MAML3: variants seen among roughly 807,000 people sequenced by gnomAD.
MAML3 encodes the protein mastermind-like protein 3.
A neutral mutation model predicts 101.9 loss-of-function variants in MAML3; 27 were observed. The ratio of observed to expected loss-of-function variants is 0.27; its 90% CI spans 0.20 to 0.37. MAML3 has a LOEUF of 0.37. MAML3 is among the 10% of genes least tolerant of loss of function. The pLI is 1.00. For synonymous variants in MAML3, 501 were observed against 555.9 expected (o/e 0.90, Z 1.39); for missense variants, 1,316 against 1,444.9 (o/e 0.91, Z 1.45).
At chr4:140,074,237 G>GAAAGAAAGAAAGAAAGA (rs1553973058) in intron 1 of MAML3, among the ~76,000 whole-genome samples, 1 of 130,090 alleles carries the variant, frequency 7.7e-6, no homozygotes, top group Non-Finnish European at 1.7e-5. Context: ...AAGAAAGAAA[G>GAAAGAAAGAAAGAAAGA]AAAGAAAGAA....
chr4:140,019,923 G>A (rs1440385864), intron 1 of MAML3, among the ~76,000 whole-genome samples: 1 of 152,176 alleles, frequency 6.6e-6, no homozygotes, highest in Non-Finnish European at 1.5e-5. Context: ...TAGTACTAAA[G>A]TTTGTCCTTA....
chr4:140,065,929 C>T (rs1480977904), intron 1 of MAML3, among the ~76,000 whole-genome samples: 3 of 152,198 alleles, frequency 2.0e-5, no homozygotes, highest in Non-Finnish European at 4.4e-5. Flanking sequence ...CTGCTCCATG[C>T]ATAAATGACA....
At chr4:139,928,173 A>G (rs1342474513) in intron 1 of MAML3, among the ~76,000 whole-genome samples, 1 of 152,204 alleles carries the variant, frequency 6.6e-6, no homozygotes, top group African/African-American at 2.4e-5. Flanking sequence ...TTCTGTATCC[A>G]TAACTGTTTC....
intron 1 of MAML3, among the ~76,000 whole-genome samples, chr4:139,931,797 G>A (rs1381926181): frequency 2.0e-5 from 3 of 152,024 alleles, no homozygotes; most frequent in Non-Finnish European, 4.4e-5. Context: ...GTCACCTGAG[G>A]TCAGGAGTTC....
chr4:139,998,283 A>G (rs1734856512), intron 1 of MAML3, among the ~76,000 whole-genome samples: 1 of 152,052 alleles, frequency 6.6e-6, no homozygotes, highest in Admixed American at 6.6e-5. Flanking sequence ...CTGTTGGACC[A>G]CCTAATGATT....
intron 1 of MAML3, among the ~76,000 whole-genome samples, chr4:140,106,870 GTGTT>G (rs1485512793): frequency 2.0e-5 from 3 of 152,146 alleles, no homozygotes; most frequent in Non-Finnish European, 4.4e-5. Flanking sequence ...AAGAGTGGTG[GTGTT>G]TGTTTGTTTT....
intron 1 of MAML3, among the ~76,000 whole-genome samples, chr4:139,967,187 G>A (rs953899636): frequency 6.6e-6 from 1 of 152,048 alleles, no homozygotes; most frequent in African/African-American, 2.4e-5. Flanking sequence ...ATTTCTCACT[G>A]CTAAGTAAAA....
At chr4:139,840,551 CAA>C (rs1731343248) in intron 2 of MAML3, among the ~76,000 whole-genome samples, 1 of 152,158 alleles carries the variant, frequency 6.6e-6, no homozygotes, top group African/African-American at 2.4e-5. Flanking sequence ...GTATTCTCGA[CAA>C]ATGAAGGGAT....
intron 2 of MAML3, among the ~76,000 whole-genome samples, chr4:139,748,408 A>G (rs1357023690): frequency 6.6e-6 from 1 of 152,190 alleles, no homozygotes; most frequent in Non-Finnish European, 1.5e-5. Flanking sequence ...TAGAAATGGA[A>G]AGAAGTGGAG....
intron 1 of MAML3, among the ~76,000 whole-genome samples, chr4:139,989,653 C>G (rs754401037): frequency 3.9e-5 from 6 of 152,038 alleles, no homozygotes; most frequent in Non-Finnish European, 7.4e-5. Flanking sequence ...TGAAAAGCCT[C>G]CTCCTGTTTG....
At chr4:139,904,954 G>A (rs1732793367) in intron 1 of MAML3, among the ~76,000 whole-genome samples, 1 of 152,206 alleles carries the variant, frequency 6.6e-6, no homozygotes, top group Admixed American at 6.5e-5. Flanking sequence ...ACAATCTTGT[G>A]GAACCACCAT....
rs139496335 is a variant in MAML3 at position 139,767,179 on chromosome 4, T to C, written c.2080-36512A>G. ...TTAATTCTAACCAAAAAAGTCCACA[T>C]TGGGTCAGGCCTACCACTCAGCTAT... On this transcript the variant is annotated intron_variant, in intron 2 of 4. Coordinates refer to ENST00000509479, the MANE Select transcript of MAML3 (RefSeq NM_018717.5). Among the ~76,000 whole-genome samples, 29 of 152,306 alleles carry C rather than the reference T, an allele frequency of 1.9e-4. 1 individual carries two copies. Among genetic ancestry groups the C allele is most frequent in the African/African-American group, 6.5e-4 (27 of 41,568 alleles).
rs750370304 is a variant in MAML3 at position 139,890,455 on chromosome 4, G to T, written c.981C>A (p.Asp327Glu). The T allele has an allele frequency of 6.8e-6, 11 of 1,613,658 alleles. No homozygotes were observed. The South Asian group carries it at 1.2e-4, about 18-fold the overall frequency. ...TCTCTTCAAAGTCTTCGTTGAACAG[G>T]TCCTGTATGTCATCCTCAGGAACCG... ...ANTVPEDDIQ[D>E]LFNEDFEEKK... is the part of the protein sequence containing the mutation. Residue 327 changes from aspartate to glutamate, a missense_variant, in exon 2 of 5, where the codon GAC becomes GAA. Asp to Glu is a conservative substitution (Grantham distance 45). Transcript: ENST00000509479. This position sits in a 1 kb window ranked among gnomAD's most constrained non-coding sequence, Gnocchi z 4.1.
At chr4:139,993,207 C>T (rs1288688194) in intron 1 of MAML3, among the ~76,000 whole-genome samples, 1 of 151,538 alleles carries the variant, frequency 6.6e-6, no homozygotes, top group Non-Finnish European at 1.5e-5. Flanking sequence ...CAAAAATTAA[C>T]CAGGCATGGT....
rs1292580802 is a variant in MAML3, at chr4:140,137,037, G to A, written c.468+15823C>T. On this transcript the variant is annotated intron_variant, in intron 1 of 4. Coordinates refer to ENST00000509479, the MANE Select transcript of MAML3 (RefSeq NM_018717.5). ...GGAGTCTCGTTCTTTCGCCCAGGCT[G>A]GACTGCAGTGGCGCTATCTCGGCTC... Among the ~76,000 whole-genome samples the A allele has an allele frequency of 1.1e-4, 17 of 152,366 alleles. No homozygotes were observed. In the South Asian group the frequency reaches 3.5e-3, roughly 32 times the overall value.
intron 2 of MAML3, among the ~76,000 whole-genome samples, chr4:139,792,808 A>G (rs369714525): frequency 1.3e-5 from 2 of 150,160 alleles, no homozygotes; most frequent in African/African-American, 4.9e-5. Context: ...GCAGTGGTGC[A>G]ATCTCGGCTC....
At chr4:139,991,733 G>C (rs1215146280) in intron 1 of MAML3, among the ~76,000 whole-genome samples, 3 of 152,036 alleles carry the variant, frequency 2.0e-5, no homozygotes, top group African/African-American at 7.3e-5. Flanking sequence ...TATAATCTCA[G>C]AGCTTTGGGA....
chr4:139,722,541 C>G (rs1326742328), intron 4 of MAML3, among the ~76,000 whole-genome samples: 2 of 152,174 alleles, frequency 1.3e-5, no homozygotes, highest in African/African-American at 4.8e-5. Context: ...GTTAACATCA[C>G]AATGTCCAAG....
intron 1 of MAML3, among the ~76,000 whole-genome samples, chr4:139,914,579 C>T (rs748214222): frequency 3.9e-4 from 59 of 152,134 alleles, no homozygotes; most frequent in Non-Finnish European, 8.8e-5. Context: ...GAGCTTAGAC[C>T]TCCTTTAAAC....
Sources: allele counts gnomAD v4.1 joint callset (sites outside exome capture counted in the v4.1 genomes callset), GRCh38; gene constraint gnomAD v4.1.1; non-coding constraint Gnocchi (gnomAD v3.1); transcripts MANE v1.5; gene names NCBI Gene and HGNC (gene_info 2026-07-23, HGNC 2026-07-21).